Variants in PTPRN2 observed in about 807,000 individuals in gnomAD.
The protein encoded by PTPRN2 is protein tyrosine phosphatase receptor type N2.
In PTPRN2, 74 loss-of-function variants were observed where a neutral mutation model predicts 118.8. That is an observed-to-expected ratio of 0.62 (90% CI 0.52 to 0.76). The LOEUF (loss-of-function observed/expected upper bound fraction) is 0.76. Ranked by LOEUF, PTPRN2 falls within the 30% of genes least tolerant of loss-of-function variation. The pLI is 0.00. For synonymous variants in PTPRN2, 641 were observed against 608.0 expected (o/e 1.05, Z -0.80); for missense variants, 1,481 against 1,394.4 (o/e 1.06, Z -0.99).
At chr7:158,518,518 G>A (rs1383823230) in intron 1 of PTPRN2, among the ~76,000 whole-genome samples, 1 of 152,066 alleles carries the variant, frequency 6.6e-6, no homozygotes, top group Non-Finnish European at 1.5e-5. Flanking sequence ...TAAAGGATAC[G>A]GCTCAAGCTC....
Position 157,598,668 on chromosome 7 carries a change from C to A in PTPRN2, c.2419-3353G>T, listed in dbSNP as rs1245635961. Reference sequence around the variant, plus strand: ...CTGGTGTTGGTCATCCCGAAACTGTCCGTGAAAACCTGTAAATTTATTAGG... The same window carrying A: ...CTGGTGTTGGTCATCCCGAAACTGTACGTGAAAACCTGTAAATTTATTAGG... On this transcript the variant is annotated intron_variant, in intron 16 of 22. Coordinates refer to ENST00000389418, the MANE Select transcript of PTPRN2 (RefSeq NM_002847.5). The surrounding 1 kb of genome is among the most constrained non-coding windows in gnomAD (Gnocchi z 5.2). Among the ~76,000 whole-genome samples, 2 of 152,222 alleles carry A rather than the reference C, an allele frequency of 1.3e-5. No homozygotes were observed. The highest frequency in any genetic ancestry group is 4.8e-5 in the African/African-American group (2 of 41,468).
chr7:158,330,301 T>G (rs1804108951), intron 2 of PTPRN2, among the ~76,000 whole-genome samples: 2 of 110,366 alleles, frequency 1.8e-5, no homozygotes, highest in African/African-American at 3.4e-5. Context: ...ACTCTCACCA[T>G]AAGAGCTGAC....
chr7:158,072,443 G>A (rs1237568767), intron 11 of PTPRN2, among the ~76,000 whole-genome samples: 2 of 152,288 alleles, frequency 1.3e-5, no homozygotes, highest in South Asian at 2.1e-4. Context: ...TGAGAGCCCA[G>A]GGGCCTTGGG....
chr7:157,746,408 G>A (rs1211936092), intron 12 of PTPRN2, among the ~76,000 whole-genome samples: 1 of 150,282 alleles, frequency 6.7e-6, no homozygotes, highest in East Asian at 2.0e-4. Context: ...GCACCCCACA[G>A]TCCACACGGA....
At position 157,915,648 on chromosome 7, in the gene PTPRN2, G is replaced by A. The variant is rs964781611; in HGVS notation, c.1724-16911C>T. 3.9e-4 allele frequency among the ~76,000 whole-genome samples: 60 copies of A among 152,028 alleles called. 1 individual carries two copies. The highest frequency in any genetic ancestry group is 1.3e-3 in the African/African-American group (53 of 41,370). ...ATATCAGGATTTCCTAGTGCCTCCTGCCCTCTATAGACCACAAGATCATGA... is the reference window on the plus strand; with the variant it reads ...ATATCAGGATTTCCTAGTGCCTCCTACCCTCTATAGACCACAAGATCATGA... On this transcript the variant is annotated intron_variant, in intron 11 of 22. Transcript: ENST00000389418.
At position 158,587,798 on chromosome 7, in the gene PTPRN2, C is replaced by G; in HGVS notation, c.-129G>C. Reference sequence around the variant, plus strand: ...CGCGCCTCTCGCGCTCTTGCGGCGACGCCGGGCCGAGCTTCAGCACCGGAC... The same window carrying G: ...CGCGCCTCTCGCGCTCTTGCGGCGAGGCCGGGCCGAGCTTCAGCACCGGAC... On this transcript the variant is annotated 5_prime_UTR_variant, in exon 1 of 23. Coordinates refer to ENST00000389418, the MANE Select transcript of PTPRN2 (RefSeq NM_002847.5). 1 of 917,768 alleles carries G rather than the reference C, an allele frequency of 1.1e-6. No homozygotes were observed. The highest frequency in any genetic ancestry group is 1.3e-6 in the Non-Finnish European group (1 of 767,090). The allele number at this position is 917,768 out of a possible 1,614,324, so 56.9% of individuals were successfully genotyped here.
At position 157,653,660 on chromosome 7, in the gene PTPRN2, G is replaced by A. The variant is rs562799082; in HGVS notation, c.2196+2697C>T. Among the ~76,000 whole-genome samples the A allele has an allele frequency of 1.2e-3, 180 of 152,234 alleles. 2 individuals are homozygous for A. The highest frequency in any genetic ancestry group is 3.6e-3 in the African/African-American group (150 of 41,508). ...AGGGACATGCCCACCAGGAGACCCC[G>A]CATGGCTGAGAGGGCACGGGAATGC... On this transcript the variant is annotated intron_variant, in intron 14 of 22. Transcript: ENST00000389418.
intron 12 of PTPRN2, among the ~76,000 whole-genome samples, chr7:157,802,836 T>C (rs1563125797): frequency 6.6e-6 from 1 of 152,260 alleles, no homozygotes; most frequent in Admixed American, 6.5e-5. Context: ...CATCTTTCCA[T>C]GTACAGTGTG....
rs150312816 is a variant in PTPRN2, at chr7:158,285,132, T to G, written c.277+31687A>C. The stretch of plus-strand genomic sequence containing the variant: ...GCTCTCAGTGGAAAACATACAATAT[T>G]TCTGACGTGCCCAGGCTTTGGGCCA... On this transcript the variant is annotated intron_variant, in intron 3 of 22. Coordinates refer to ENST00000389418, the MANE Select transcript of PTPRN2 (RefSeq NM_002847.5). Among the ~76,000 whole-genome samples the G allele has an allele frequency of 7.9e-5, 12 of 152,340 alleles. 1 individual carries two copies. The South Asian group carries it at 1.9e-3, about 24-fold the overall frequency.
chr7:157,627,935 T>A lies in PTPRN2; in HGVS notation c.2197-6426A>T, dbSNP rs955210653. Among the ~76,000 whole-genome samples, 6 of 152,238 alleles carry A rather than the reference T, an allele frequency of 3.9e-5. No individual in the cohort carries two copies. Among genetic ancestry groups the A allele is most frequent in the African/African-American group, 1.2e-4 (5 of 41,474 alleles). ...TGACACCATCAGCGCTCACATAATC[T>A]ACTTTGTTAGAGATATGAACTCAAT... On this transcript the variant is annotated intron_variant, in intron 14 of 22. Coordinates refer to ENST00000389418, the MANE Select transcript of PTPRN2 (RefSeq NM_002847.5). The surrounding 1 kb of genome is among the most constrained non-coding windows in gnomAD (Gnocchi z 4.2).
At position 157,949,678 on chromosome 7, in the gene PTPRN2, G is replaced by A. The variant is rs1800691794; in HGVS notation, c.1724-50941C>T. ...ACAGGCCCATATTCCAAGACCCTTA[G>A]GAACAAGTGGTAATTGTTTACTATC... On this transcript the variant is annotated intron_variant, in intron 11 of 22. Transcript: ENST00000389418. Among the ~76,000 whole-genome samples the A allele has an allele frequency of 2.6e-5, 4 of 152,176 alleles. No homozygotes were observed. The South Asian group carries it at 8.3e-4, about 32-fold the overall frequency.
At position 157,596,204 on chromosome 7, in the gene PTPRN2, G is replaced by A. The variant is rs1244221267; in HGVS notation, c.2419-889C>T. Among the ~76,000 whole-genome samples the A allele has an allele frequency of 6.6e-6, 1 of 152,228 alleles. No homozygotes were observed. Among genetic ancestry groups the A allele is most frequent in the East Asian group, 1.9e-4 (1 of 5,192 alleles). On this transcript the variant is annotated intron_variant, in intron 16 of 22. Coordinates refer to ENST00000389418, the MANE Select transcript of PTPRN2 (RefSeq NM_002847.5). The surrounding 1 kb of genome is among the most constrained non-coding windows in gnomAD (Gnocchi z 4.2). Reference sequence around the variant, plus strand: ...TAGCGCTACCTGCTGCTTCCCTGCTGGAGTTAACTCGTTGTGTGTGGGGGC... The same window carrying A: ...TAGCGCTACCTGCTGCTTCCCTGCTAGAGTTAACTCGTTGTGTGTGGGGGC...
chr7:158,141,409 G>A (rs73745144), intron 6 of PTPRN2, among the ~76,000 whole-genome samples: 15,228 of 152,198 alleles, frequency 0.1, 917 homozygotes, highest in African/African-American at 0.18. Context: ...CCGAGGCAGC[G>A]GGGCCGGCAC....
chr7:158,138,768 C>T lies in PTPRN2; in HGVS notation c.911-253G>A, dbSNP rs116202447. Among the ~76,000 whole-genome samples, 407 of 152,330 alleles carry T rather than the reference C, an allele frequency of 2.7e-3. 2 individuals are homozygous for T. The highest frequency in any genetic ancestry group is 7.0e-3 in the African/African-American group (292 of 41,566). ...CAGAATGGAAGGACAGACTCATCCA[C>T]GCGCTCAGGAGGATGGAAAGCACAG... On this transcript the variant is annotated intron_variant, in intron 6 of 22. Transcript: ENST00000389418.
chr7:157,839,459 GTGAC>G (rs1426717193), intron 12 of PTPRN2, among the ~76,000 whole-genome samples: 1 of 152,016 alleles, frequency 6.6e-6, no homozygotes, highest in Non-Finnish European at 1.5e-5. Flanking sequence ...GTGTGGTTGT[GTGAC>G]TGTGTGGGAG....
intron 5 of PTPRN2, among the ~76,000 whole-genome samples, chr7:158,169,320 A>G (rs139164337): frequency 0.018 from 2,665 of 151,570 alleles, 73 homozygotes; most frequent in African/African-American, 0.061. Context: ...TCAGCTCACT[A>G]CAACCTCTGC....
chr7:157,788,430 C>G (rs540312806), intron 12 of PTPRN2, among the ~76,000 whole-genome samples: 1 of 151,438 alleles, frequency 6.6e-6, no homozygotes, highest in East Asian at 1.9e-4. Flanking sequence ...TGGCAAGACA[C>G]TGCTGTCTGG....
chr7:158,158,040 A>G (rs543202834), intron 6 of PTPRN2, among the ~76,000 whole-genome samples: 2 of 151,822 alleles, frequency 1.3e-5, no homozygotes, highest in African/African-American at 4.8e-5. Context: ...GCCAGTGATT[A>G]GGTGGCCAAT....
At chr7:157,571,125 C>T (rs574090793) in intron 20 of PTPRN2, among the ~76,000 whole-genome samples, 1 of 150,322 alleles carries the variant, frequency 6.7e-6, no homozygotes, top group African/African-American at 2.4e-5. Flanking sequence ...CGGGCGCAAT[C>T]GCTTGATCCC....
Sources: gnomAD v4.1 joint callset for allele counts (sites outside exome capture counted in the v4.1 genomes callset) on GRCh38, gnomAD v4.1.1 for gene constraint, Gnocchi (gnomAD v3.1) non-coding constraint, MANE v1.5 for transcripts, NCBI Gene and HGNC (gene_info 2026-07-23, HGNC 2026-07-21) for gene names.